Variants in TBC1D4 observed in about 807,000 individuals in gnomAD.
TBC1D4 encodes TBC1 domain family member 4.
A neutral mutation model predicts 142.5 loss-of-function variants in TBC1D4; 121 were observed. The observed-to-expected ratio is 0.85, with a 90% CI of 0.73 to 0.99. TBC1D4 has a LOEUF of 0.99. TBC1D4 is among the 50% of genes least tolerant of loss of function. TBC1D4 has a pLI of 0.00. For synonymous variants in TBC1D4, 630 were observed against 628.2 expected (o/e 1.00, Z -0.04); for missense variants, 1,475 against 1,606.6 (o/e 0.92, Z 1.40).
chr13:75,311,387 T>C (rs1489319762), intron 13 of TBC1D4, among the ~76,000 whole-genome samples: 1 of 152,244 alleles, frequency 6.6e-6, no homozygotes, highest in Non-Finnish European at 1.5e-5. Flanking sequence ...GTTAACTTCA[T>C]CTTTAGTAAT....
chr13:75,477,931 C>A (rs937121164), intron 1 of TBC1D4, among the ~76,000 whole-genome samples: 68 of 152,322 alleles, frequency 4.5e-4, no homozygotes, highest in Middle Eastern at 3.4e-3. Context: ...ATACATTTCA[C>A]CCCCATCTCC....
chr13:75,300,064 A>G (rs1251793658), intron 16 of TBC1D4, among the ~76,000 whole-genome samples: 1 of 152,118 alleles, frequency 6.6e-6, no homozygotes, highest in Admixed American at 6.5e-5. Flanking sequence ...ATGACACTGG[A>G]GGGACTTTTT....
rs1403918828 is a variant in TBC1D4, at chr13:75,286,739, T to C, written c.*53A>G. ...CTTGGGCCAGCGACATGCAGGCTCT[T>C]CCTCTCTGTAGTATTCTAAGGAGCA... On this transcript the variant is annotated 3_prime_UTR_variant, in exon 21 of 21. Transcript: ENST00000377636. The C allele has an allele frequency of 6.4e-7, 1 of 1,561,666 alleles. No individual in the cohort carries two copies.
At position 75,359,701 on chromosome 13, in the gene TBC1D4, C is replaced by A. The variant is rs570112895; in HGVS notation, c.1170+68G>T. The A allele has an allele frequency of 6.6e-5, 84 of 1,270,982 alleles. No homozygotes were observed. In the African/African-American group the frequency reaches 1.0e-3, roughly 15 times the overall value. 78.7% of individuals were successfully genotyped at this position (1,270,982 alleles called of 1,614,324 possible). A position where few individuals can be genotyped will look rare whatever the true frequency, so the allele number is the denominator to read the frequency against. On this transcript the variant is annotated intron_variant, in intron 3 of 20. Transcript: ENST00000377636. ...TAAAATTTGAAGGGGGTCAAGCCCA[C>A]TTATTTTATTGTTAATTCTGAAACA...
intron 1 of TBC1D4, among the ~76,000 whole-genome samples, chr13:75,436,878 A>G (rs965732664): frequency 6.6e-6 from 1 of 152,190 alleles, no homozygotes; most frequent in African/African-American, 2.4e-5. Context: ...ATCACCAGTA[A>G]TGGGACATAT....
chr13:75,329,710 T>C (rs987131436), intron 8 of TBC1D4, among the ~76,000 whole-genome samples: 3 of 152,214 alleles, frequency 2.0e-5, no homozygotes, highest in Non-Finnish European at 4.4e-5. Flanking sequence ...GGGAACTAAA[T>C]TTTTTAAAAA....
chr13:75,317,208 T>G (rs73531915), intron 12 of TBC1D4, among the ~76,000 whole-genome samples: 3,220 of 152,268 alleles, frequency 0.021, 118 homozygotes, highest in African/African-American at 0.073. Flanking sequence ...ACTCCTTGCA[T>G]TAGTTCTGAA....
chr13:75,343,706 G>A (rs569118552), intron 5 of TBC1D4, among the ~76,000 whole-genome samples: 1 of 152,144 alleles, frequency 6.6e-6, no homozygotes, highest in Non-Finnish European at 1.5e-5. Flanking sequence ...AGTAAAGACG[G>A]TGTTTCTCCA....
intron 1 of TBC1D4, among the ~76,000 whole-genome samples, chr13:75,418,303 G>C (rs191927634): frequency 1.4e-4 from 22 of 152,048 alleles, no homozygotes; most frequent in African/African-American, 2.2e-4. Flanking sequence ...AATTGTAATC[G>C]AATGTGTGAA....
In TBC1D4 at chr13:75,362,694, G is replaced by A; in HGVS notation, c.499-87C>T. ...TAGCCCAATTATTACCACATGGAAT[G>A]TATTTTCATCCTAAATAATATACAA... On this transcript the variant is annotated intron_variant, in intron 1 of 20. Coordinates refer to ENST00000377636, the MANE Select transcript of TBC1D4 (RefSeq NM_014832.5). This position sits in a 1 kb window ranked among gnomAD's most constrained non-coding sequence, Gnocchi z 4.2. The A allele has an allele frequency of 2.2e-6, 3 of 1,392,488 alleles. No homozygotes were observed. The highest frequency in any genetic ancestry group is 2.3e-5 in the East Asian group (1 of 43,892). 86.3% of individuals were successfully genotyped at this position (1,392,488 alleles called of 1,614,324 possible). A position where few individuals can be genotyped will look rare whatever the true frequency, so the allele number is the denominator to read the frequency against.
chr13:75,348,954 A>AGAGTGTGTGT (rs969343152), intron 5 of TBC1D4, among the ~76,000 whole-genome samples: 12 of 139,084 alleles, frequency 8.6e-5, no homozygotes, highest in African/African-American at 3.0e-4. Flanking sequence ...AGAGAGAGAG[A>AGAGTGTGTGT]GTGTGTGTGT....
At chr13:75,449,936 G>A (rs538541594) in intron 1 of TBC1D4, among the ~76,000 whole-genome samples, 13 of 152,264 alleles carry the variant, frequency 8.5e-5, no homozygotes, top group African/African-American at 2.9e-4. Context: ...TCATTTAGGA[G>A]TAGACTGCCA....
Position 75,336,911 on chromosome 13 carries a change from G to T in TBC1D4, c.1731+10C>A. The T allele has an allele frequency of 6.2e-7, 1 of 1,613,458 alleles. No homozygotes were observed. Among genetic ancestry groups the T allele is most frequent in the Non-Finnish European group, 8.5e-7 (1 of 1,179,714 alleles). On this transcript the variant is annotated intron_variant, in intron 8 of 20. Transcript: ENST00000377636. ...TATGCATACTTGAAAGACCATTGGT[G>T]CAATCTTACCCTTGAGAAGATATTT... is the stretch of plus-strand genomic sequence containing the variant.
At chr13:75,301,617 C>T (rs1365557724) in intron 16 of TBC1D4, among the ~76,000 whole-genome samples, 1 of 151,496 alleles carries the variant, frequency 6.6e-6, no homozygotes, top group Non-Finnish European at 1.5e-5. Flanking sequence ...TGCACTCCAG[C>T]CTGGGCAACA....
chr13:75,464,784 G>C (rs1482556347), intron 1 of TBC1D4, among the ~76,000 whole-genome samples: 1 of 152,180 alleles, frequency 6.6e-6, no homozygotes, highest in Non-Finnish European at 1.5e-5. Context: ...CTGGATTCCT[G>C]GGCAAATCTT....
At chr13:75,466,657 G>A (rs1888180527) in intron 1 of TBC1D4, among the ~76,000 whole-genome samples, 1 of 152,050 alleles carries the variant, frequency 6.6e-6, no homozygotes. Flanking sequence ...CAGATCACGA[G>A]GTCAGCAGTT....
intron 5 of TBC1D4, among the ~76,000 whole-genome samples, chr13:75,342,176 G>A (rs1036437728): frequency 2.6e-5 from 4 of 152,086 alleles, no homozygotes; most frequent in East Asian, 1.9e-4. Flanking sequence ...CAGCCTGGGC[G>A]ACAAAGTGAG....
At chr13:75,372,545 T>C (rs1416785175) in intron 1 of TBC1D4, among the ~76,000 whole-genome samples, 1 of 152,200 alleles carries the variant, frequency 6.6e-6, no homozygotes, top group Non-Finnish European at 1.5e-5. Context: ...GCTGGGATTA[T>C]AGGCGTGAGC....
chr13:75,475,693 T>G (rs1468074945), intron 1 of TBC1D4, among the ~76,000 whole-genome samples: 1 of 152,186 alleles, frequency 6.6e-6, no homozygotes, highest in African/African-American at 2.4e-5. Flanking sequence ...AATTACTCAT[T>G]CCAAAATGAG....
Sources: gnomAD v4.1 joint callset for allele counts (sites outside exome capture counted in the v4.1 genomes callset) on GRCh38, gnomAD v4.1.1 for gene constraint, Gnocchi (gnomAD v3.1) non-coding constraint, MANE v1.5 for transcripts, NCBI Gene and HGNC (gene_info 2026-07-23, HGNC 2026-07-21) for gene names.